Variants in GDPD5 observed in about 807,000 individuals in gnomAD.
GDPD5 encodes glycerophosphodiester phosphodiesterase 2.
A neutral mutation model predicts 75.1 loss-of-function variants in GDPD5; 48 were observed. That is an observed-to-expected ratio of 0.64 (90% CI 0.51 to 0.81). GDPD5 has a LOEUF of 0.81. GDPD5 is among the 40% of genes least tolerant of loss of function. GDPD5 has a pLI of 0.00. For synonymous variants in GDPD5, 336 were observed against 339.0 expected, an observed-to-expected ratio of 0.99 and a Z score of 0.10; for missense variants, 706 against 822.6, an observed-to-expected ratio of 0.86 and a Z score of 1.73.
At chr11:75,446,351 G>T (rs1265344017) in intron 9 of GDPD5, among the ~76,000 whole-genome samples, 1 of 152,144 alleles carries the variant, frequency 6.6e-6, no homozygotes, top group Non-Finnish European at 1.5e-5. Flanking sequence ...CTCCAGGAAG[G>T]CCCCAGAAGC....
intron 9 of GDPD5, among the ~76,000 whole-genome samples, 182 bp from the exon 10 acceptor site, chr11:75,444,677 T>C (rs776186758): frequency 6.6e-6 from 1 of 152,214 alleles, no homozygotes; most frequent in Non-Finnish European, 1.5e-5. Flanking sequence ...CTTCCTCATC[T>C]ATTAAATCAT....
chr11:75,494,058 T>G (rs929940162), intron 1 of GDPD5, among the ~76,000 whole-genome samples: 3 of 152,212 alleles, frequency 2.0e-5, no homozygotes, highest in Non-Finnish European at 4.4e-5. Context: ...TAATTAATAT[T>G]TCATGTCTAT....
chr11:75,435,681 G>A (rs1259469701), intron 16 of GDPD5, 26 bp from the exon 17 acceptor site: 9 of 1,571,588 alleles, frequency 5.7e-6, no homozygotes, highest in African/African-American at 4.0e-5. Flanking sequence ...GAGACAGAAT[G>A]TGAGTCGGGG....
At chr11:75,511,345 C>T (rs950705130) in intron 1 of GDPD5, among the ~76,000 whole-genome samples, 17 of 150,682 alleles carry the variant, frequency 1.1e-4, no homozygotes, top group South Asian at 8.3e-4. Flanking sequence ...ATTCTCAAGA[C>T]GGTGTGTCCA....
At chr11:75,460,836 C>T (rs573827733) in intron 4 of GDPD5, among the ~76,000 whole-genome samples, 1 of 152,140 alleles carries the variant, frequency 6.6e-6, no homozygotes, top group South Asian at 2.1e-4. Flanking sequence ...GCTGAAGGAG[C>T]TGCAGGTCTC....
chr11:75,513,385 G>A lies in GDPD5; in HGVS notation c.-145+11825C>T, dbSNP rs182564204. Among the ~76,000 whole-genome samples the A allele has an allele frequency of 4.6e-5, 7 of 152,274 alleles. No homozygotes were observed. The East Asian group carries it at 1.2e-3, about 25-fold the overall frequency. On this transcript the variant is annotated intron_variant, in intron 1 of 16. Coordinates refer to ENST00000336898, the MANE Select transcript of GDPD5 (RefSeq NM_030792.8). Reference sequence around the variant, plus strand: ...TCCCTTTCACAGATGAGCAAACTGAGACTTGGCTGGTTACCAACTTGCCTG... The same window carrying A: ...TCCCTTTCACAGATGAGCAAACTGAAACTTGGCTGGTTACCAACTTGCCTG...
At chr11:75,522,939 T>G (rs1007007965) in intron 1 of GDPD5, among the ~76,000 whole-genome samples, 1 of 151,910 alleles carries the variant, frequency 6.6e-6, no homozygotes, top group African/African-American at 2.4e-5. Flanking sequence ...AGCAGACTGA[T>G]TCTAGAGGCT....
intron 9 of GDPD5, among the ~76,000 whole-genome samples, chr11:75,445,021 CATCTATATAA>C (rs1183315119): frequency 1.3e-5 from 2 of 152,116 alleles, no homozygotes; most frequent in Non-Finnish European, 2.9e-5. Context: ...CCAGTTTCCT[CATCTATATAA>C]ACATGACAGC....
chr11:75,441,040 G>A (rs936883718), intron 14 of GDPD5, 123 bp downstream of exon 14: 2 of 938,084 alleles, frequency 2.1e-6, no homozygotes, highest in African/African-American at 3.3e-5. Context: ...GCCCACCATG[G>A]ACTCCCCACC....
At chr11:75,495,538 G>A (rs967370082) in intron 1 of GDPD5, among the ~76,000 whole-genome samples, 13 of 151,886 alleles carry the variant, frequency 8.6e-5, no homozygotes, top group Admixed American at 2.6e-4. Context: ...CAATATACTC[G>A]GAGATGTGCA....
intron 3 of GDPD5, among the ~76,000 whole-genome samples, chr11:75,470,657 C>T (rs986517701): frequency 3.9e-5 from 6 of 152,064 alleles, no homozygotes; most frequent in Non-Finnish European, 8.8e-5. Context: ...TAAATTTTTT[C>T]AACAAATGTA....
At chr11:75,437,284 A>G (rs1357842603) in intron 15 of GDPD5, 4 of 546,442 alleles carry the variant, frequency 7.3e-6, no homozygotes, top group South Asian at 2.3e-5. Flanking sequence ...GCCAGTCAGC[A>G]GCCCTGGCCC....
chr11:75,478,319 G>C (rs117918294), intron 2 of GDPD5, among the ~76,000 whole-genome samples: 1 of 152,070 alleles, frequency 6.6e-6, no homozygotes, highest in African/African-American at 2.4e-5. Flanking sequence ...GCTAATTTTC[G>C]TATTTTTGTA....
intron 1 of GDPD5, among the ~76,000 whole-genome samples, chr11:75,511,384 T>A (rs1218541181): frequency 6.6e-6 from 1 of 152,198 alleles, no homozygotes; most frequent in Non-Finnish European, 1.5e-5. Flanking sequence ...AGGAGTTGCA[T>A]GTTCAAATAA....
In GDPD5 at chr11:75,449,904, A is replaced by C. The variant is rs1056912595; in HGVS notation, c.455T>G (p.Val152Gly). 6 of 1,613,250 alleles carry C rather than the reference A, an allele frequency of 3.7e-6. No individual in the cohort carries two copies. The highest frequency in any genetic ancestry group is 4.2e-6 in the Non-Finnish European group (5 of 1,179,902). Residue 152 changes from valine to glycine, a missense_variant, in exon 7 of 17, where the codon GTG (valine) becomes GGG (glycine). By Grantham distance (109) the Val-to-Gly change is moderately radical. Transcript: ENST00000336898. The stretch of plus-strand genomic sequence containing the variant: ...ACTCACCTGCAGGGAGATCAGCAGC[A>C]CCTCCCACTCGTCCTCCCACAGCTG... ...VAQLWEDEWE[V>G]LLISLQGTAP... is the part of the protein sequence containing the mutation.
At chr11:75,454,550 C>T (rs748678161) in intron 6 of GDPD5, among the ~76,000 whole-genome samples, 4 of 152,344 alleles carry the variant, frequency 2.6e-5, no homozygotes, top group South Asian at 2.1e-4. Flanking sequence ...GATGTCGATC[C>T]GGTCTATCAA....
chr11:75,524,821 CACT>C (rs2135528426), intron 1 of GDPD5, among the ~76,000 whole-genome samples: 1 of 148,850 alleles, frequency 6.7e-6, no homozygotes, highest in Admixed American at 6.6e-5. Flanking sequence ...AAGAAGAAGC[CACT>C]TCCTCAGCTT....
At chr11:75,496,189 C>A (rs1242012587) in intron 1 of GDPD5, among the ~76,000 whole-genome samples, 1 of 152,222 alleles carries the variant, frequency 6.6e-6, no homozygotes, top group African/African-American at 2.4e-5. Context: ...GCCCAGCAGC[C>A]TCTGCTGCGC....
At chr11:75,437,200 C>T in intron 15 of GDPD5, 152 bp from the exon 16 acceptor site, 1 of 611,994 alleles carries the variant, frequency 1.6e-6, no homozygotes, top group East Asian at 2.8e-5. Context: ...CCAGAGAGGG[C>T]AGAGTTGGGG....
Sources: allele counts gnomAD v4.1 joint callset (sites outside exome capture counted in the v4.1 genomes callset), GRCh38; gene constraint gnomAD v4.1.1; transcripts MANE v1.5; gene names NCBI Gene and HGNC (gene_info 2026-07-23, HGNC 2026-07-21).